Variants in PSPH observed in about 807,000 individuals in gnomAD.
PSPH encodes phosphoserine phosphatase.
Under a neutral mutation model 23.4 loss-of-function variants are expected in PSPH, and 16 were observed. The ratio of observed to expected loss-of-function variants is 0.68; its 90% CI spans 0.46 to 1.04. PSPH has a LOEUF of 1.04. Among genes scored for constraint, PSPH ranks in the 50% least tolerant of loss-of-function variants. PSPH has a pLI of 0.00. For synonymous variants in PSPH, 68 were observed against 99.7 expected (o/e 0.68, Z 1.89); for missense variants, 223 against 273.7 (o/e 0.81, Z 1.31).
chr7:56,014,957 A>G lies in PSPH; in HGVS notation c.570+66T>C, dbSNP rs888797370. 8 of 1,434,318 alleles carry G rather than the reference A, an allele frequency of 5.6e-6. No homozygotes were observed. In the East Asian group the frequency reaches 1.8e-4, roughly 32 times the overall value. 88.8% of individuals were successfully genotyped at this position (1,434,318 alleles called of 1,614,324 possible). A position where few individuals can be genotyped will look rare whatever the true frequency, so the allele number is the denominator to read the frequency against. On this transcript the variant is annotated intron_variant, in intron 7 of 7. Coordinates refer to ENST00000275605, the MANE Select transcript of PSPH (RefSeq NM_004577.4). The stretch of plus-strand genomic sequence containing the variant: ...AAACTCCGTCTCAAAAAAAATAAAG[A>G]AATAATAAATAAATAAATAAAACAA...
At chr7:56,020,810 G>A (rs751021086) in intron 4 of PSPH, among the ~76,000 whole-genome samples, 1 of 152,100 alleles carries the variant, frequency 6.6e-6, no homozygotes, top group Non-Finnish European at 1.5e-5. Flanking sequence ...CAAAGCCACT[G>A]GACACTTGGA....
chr7:56,037,872 C>T (rs1791942465), intron 1 of PSPH, among the ~76,000 whole-genome samples: 1 of 151,368 alleles, frequency 6.6e-6, no homozygotes, highest in Non-Finnish European at 1.5e-5. Context: ...ACCACCATGC[C>T]CGGCTAATTT....
At chr7:56,045,072 CAAA>C (rs35552809) in intron 1 of PSPH, among the ~76,000 whole-genome samples, 5 of 117,314 alleles carry the variant, frequency 4.3e-5, no homozygotes, top group Admixed American at 9.0e-5. Flanking sequence ...AACTCTGCCT[CAAA>C]AAAAAAAAAA....
chr7:56,049,636 C>T (rs1405086000), intron 1 of PSPH, among the ~76,000 whole-genome samples: 3 of 152,040 alleles, frequency 2.0e-5, no homozygotes, highest in African/African-American at 7.2e-5. Flanking sequence ...ACGGGTTTCA[C>T]TATGTTGGCC....
chr7:56,037,082 G>A (rs1456862861), intron 1 of PSPH, among the ~76,000 whole-genome samples: 1 of 151,022 alleles, frequency 6.6e-6, no homozygotes, highest in Non-Finnish European at 1.5e-5. Context: ...GCTGAAGCAG[G>A]AGAATCACTT....
At chr7:56,050,862 A>G (rs758767249) in intron 1 of PSPH, among the ~76,000 whole-genome samples, 57 of 152,128 alleles carry the variant, frequency 3.7e-4, no homozygotes, top group Non-Finnish European at 5.4e-4. Flanking sequence ...TTTTGAATTC[A>G]GAACAATTTC....
chr7:56,049,738 TTTATTA>T (rs988129752), intron 1 of PSPH, among the ~76,000 whole-genome samples: 257 of 149,706 alleles, frequency 1.7e-3, no homozygotes, highest in African/African-American at 6.0e-3. Flanking sequence ...GTACCTGGCC[TTTATTA>T]TTATTATTAT....
chr7:56,033,497 GA>G (rs71561987), intron 2 of PSPH: 202 of 117,482 alleles, frequency 1.7e-3, no homozygotes, highest in Middle Eastern at 4.9e-3. Context: ...GACTCTGTCT[GA>G]AAAAAAAAAA....
chr7:56,017,287 A>G lies in PSPH; in HGVS notation c.368T>C (p.Leu123Pro). Residue 123 changes from leucine (L) to proline (P), a missense_variant, in exon 6 of 8, where the codon CTC becomes CCC. Physicochemically the swap from Leu to Pro is moderately conservative, Grantham distance 98. Transcript: ENST00000275605. ...RSIVEHVASK[L>P]NIPATNVFAN... ...AAATACATTGGTTGCTGGGATATTGAGCTTTGAAGCAACATGCTCTACAAT... is the reference window on the plus strand; with the variant it reads ...AAATACATTGGTTGCTGGGATATTGGGCTTTGAAGCAACATGCTCTACAAT... 1 of 1,613,958 alleles carries G rather than the reference A, an allele frequency of 6.2e-7. No individual in the cohort carries two copies. The highest frequency in any genetic ancestry group is 8.5e-7 in the Non-Finnish European group (1 of 1,179,864).
chr7:56,035,899 C>A (rs1315931600), intron 1 of PSPH, among the ~76,000 whole-genome samples: 5 of 151,246 alleles, frequency 3.3e-5, no homozygotes, highest in African/African-American at 7.3e-5. Flanking sequence ...GGATTACAGG[C>A]ATGAGCCACC....
At chr7:56,038,772 G>C (rs1212296753) in intron 1 of PSPH, among the ~76,000 whole-genome samples, 3 of 151,766 alleles carry the variant, frequency 2.0e-5, no homozygotes, top group Non-Finnish European at 4.4e-5. Flanking sequence ...CTTGAGCCTG[G>C]GAGGTTGAGG....
chr7:56,017,267 C>T lies in PSPH; in HGVS notation c.388G>A (p.Val130Ile). ...ASKLNIPATN[V>I]FANRLKFYFN... ...TAGAATTTCAGCCTATTGGCAAATACATTGGTTGCTGGGATATTGAGCTTT... is the reference window on the plus strand; with the variant it reads ...TAGAATTTCAGCCTATTGGCAAATATATTGGTTGCTGGGATATTGAGCTTT... Residue 130 changes from valine to isoleucine, a missense_variant, in exon 6 of 8, where the codon GTA becomes ATA. Coordinates refer to ENST00000275605, the MANE Select transcript of PSPH (RefSeq NM_004577.4). 6.2e-7 allele frequency: 1 copy of T among 1,613,948 alleles called. No individual in the cohort carries two copies. Among genetic ancestry groups the T allele is most frequent in the African/African-American group, 1.3e-5 (1 of 75,048 alleles).
intron 1 of PSPH, among the ~76,000 whole-genome samples, chr7:56,046,939 A>G (rs1793330119): frequency 6.6e-6 from 1 of 152,186 alleles, no homozygotes; most frequent in African/African-American, 2.4e-5. Flanking sequence ...TCTGAAGATT[A>G]GCAACTGTAT....
intron 3 of PSPH, among the ~76,000 whole-genome samples, chr7:56,030,977 T>C (rs537994424): frequency 1.2e-4 from 18 of 151,550 alleles, no homozygotes; most frequent in African/African-American, 3.9e-4. Context: ...TTTGGGAGGC[T>C]GAGGCGGGTG....
intron 1 of PSPH, among the ~76,000 whole-genome samples, chr7:56,039,148 C>CAAAAAAAAA (rs34620559): frequency 1.8e-5 from 1 of 56,630 alleles, no homozygotes. Context: ...AACTCTGTCT[C>CAAAAAAAAA]AAAAAAAAAA....
chr7:56,023,740 A>G (rs1369917522), intron 3 of PSPH, among the ~76,000 whole-genome samples: 1 of 151,998 alleles, frequency 6.6e-6, no homozygotes, highest in Non-Finnish European at 1.5e-5. Flanking sequence ...TGAACAACCC[A>G]CTGCTCAACT....
At chr7:56,032,477 G>T (rs1256787304) in intron 2 of PSPH, among the ~76,000 whole-genome samples, 3 of 150,712 alleles carry the variant, frequency 2.0e-5, no homozygotes, top group Non-Finnish European at 4.4e-5. Flanking sequence ...CTAACATGGC[G>T]AAACCACGTC....
At chr7:56,050,635 T>C (rs1229850523) in intron 1 of PSPH, among the ~76,000 whole-genome samples, 1 of 152,198 alleles carries the variant, frequency 6.6e-6, no homozygotes, top group African/African-American at 2.4e-5. Context: ...AGTCTTGATA[T>C]GGCACAATCT....
chr7:56,034,148 C>T (rs1214036951), intron 1 of PSPH, 42 bp from the exon 2 acceptor site: 1 of 152,342 alleles, frequency 6.6e-6, no homozygotes, highest in African/African-American at 2.4e-5. Context: ...GCAAGTGCTT[C>T]TGTAAACTGG....
Sources: allele counts gnomAD v4.1 joint callset (sites outside exome capture counted in the v4.1 genomes callset), GRCh38; gene constraint gnomAD v4.1.1; transcripts MANE v1.5; gene names NCBI Gene and HGNC (gene_info 2026-07-23, HGNC 2026-07-21).